CCSER1: variants seen among roughly 807,000 people sequenced by gnomAD.
The protein encoded by CCSER1 is serine-rich coiled-coil domain-containing protein 1.
A neutral mutation model predicts 82.0 loss-of-function variants in CCSER1; 41 were observed. The ratio of observed to expected loss-of-function variants is 0.50; its 90% CI spans 0.39 to 0.65. The LOEUF (loss-of-function observed/expected upper bound fraction) is 0.65, where lower values mean the gene tolerates loss of function less well. CCSER1 is among the 30% of genes least tolerant of loss of function. The pLI is 0.00. For synonymous variants in CCSER1, 414 were observed against 383.9 expected, an observed-to-expected ratio of 1.08 and a Z score of -0.92; for missense variants, 1,119 against 1,064.2, an observed-to-expected ratio of 1.05 and a Z score of -0.72.
intron 7 of CCSER1, among the ~76,000 whole-genome samples, chr4:90,757,022 T>A (rs914088102): frequency 6.6e-6 from 1 of 152,242 alleles, no homozygotes; most frequent in Non-Finnish European, 1.5e-5. Context: ...TGGAAGTAAC[T>A]TTTCTTTGCT....
intron 6 of CCSER1, among the ~76,000 whole-genome samples, chr4:90,684,770 A>G (rs1234244980): frequency 6.6e-6 from 1 of 151,986 alleles, no homozygotes; most frequent in Non-Finnish European, 1.5e-5. Context: ...TATTTCCCAC[A>G]CTGTTCTCGT....
intron 5 of CCSER1, among the ~76,000 whole-genome samples, chr4:90,540,340 G>T (rs1775953045): frequency 6.6e-6 from 1 of 151,872 alleles, no homozygotes; most frequent in Non-Finnish European, 1.5e-5. Flanking sequence ...GATAAATTTT[G>T]TGTGGATACA....
At chr4:90,392,009 A>G (rs1751254528) in intron 3 of CCSER1, among the ~76,000 whole-genome samples, 1 of 152,062 alleles carries the variant, frequency 6.6e-6, no homozygotes, top group African/African-American at 2.4e-5. Flanking sequence ...ATACAAACTC[A>G]TGCAGTTAGG....
chr4:90,784,856 GAA>G (rs1409113568), intron 7 of CCSER1, among the ~76,000 whole-genome samples: 1 of 151,924 alleles, frequency 6.6e-6, no homozygotes, highest in East Asian at 1.9e-4. Context: ...CTAGAGAAAA[GAA>G]AATGTTTTTA....
chr4:90,860,737 G>T (rs748170745), intron 8 of CCSER1, among the ~76,000 whole-genome samples: 11 of 151,584 alleles, frequency 7.3e-5, no homozygotes, highest in Non-Finnish European at 1.3e-4. Context: ...TTGAAAATAC[G>T]CAAAGTCAAA....
chr4:91,179,225 GC>G (rs1244990378), intron 10 of CCSER1, among the ~76,000 whole-genome samples: 3 of 152,160 alleles, frequency 2.0e-5, no homozygotes, highest in Non-Finnish European at 2.9e-5. Context: ...CTGTCTGGCT[GC>G]CCTTAAAATT....
rs567645249 is a variant in CCSER1, at chr4:90,228,149, G to T, written c.-41-80095G>T. On this transcript the variant is annotated intron_variant, in intron 1 of 10. Coordinates refer to ENST00000509176, the MANE Select transcript of CCSER1 (RefSeq NM_001145065.2). ...GCTCAAGGAGGCCTGCCTGCCTCTG[G>T]AGGCTCCACCTCTGGGGGCAGGGCA... Among the ~76,000 whole-genome samples the T allele has an allele frequency of 1.2e-3, 173 of 149,396 alleles. 1 individual carries two copies. The highest frequency in any genetic ancestry group is 2.7e-3 in the African/African-American group (110 of 40,114).
chr4:91,141,555 T>A (rs566505348), intron 10 of CCSER1, among the ~76,000 whole-genome samples: 1 of 152,234 alleles, frequency 6.6e-6, no homozygotes, highest in African/African-American at 2.4e-5. Flanking sequence ...TGATTCCATG[T>A]CTTTGCTATT....
intron 6 of CCSER1, among the ~76,000 whole-genome samples, chr4:90,689,879 G>A (rs1323885646): frequency 6.6e-6 from 1 of 152,090 alleles, no homozygotes; most frequent in East Asian, 1.9e-4. Context: ...TAGCCAGGAT[G>A]GGAGGCAGTG....
At chr4:90,911,198 TAGC>T in intron 8 of CCSER1, 6 of 430,702 alleles carry the variant, frequency 1.4e-5, no homozygotes, top group South Asian at 3.4e-5. Flanking sequence ...TTTTTCAAGT[TAGC>T]AATTTTCTAC....
intron 10 of CCSER1, among the ~76,000 whole-genome samples, chr4:91,123,794 A>G (rs1727284152): frequency 6.6e-6 from 1 of 151,826 alleles, no homozygotes; most frequent in Admixed American, 6.6e-5. Flanking sequence ...AAGAAAAAGA[A>G]TAATTTTTTT....
At chr4:90,853,708 A>G (rs1023090454) in intron 8 of CCSER1, among the ~76,000 whole-genome samples, 5 of 152,132 alleles carry the variant, frequency 3.3e-5, no homozygotes, top group Non-Finnish European at 4.4e-5. Flanking sequence ...GTCTATATAC[A>G]CTTTGGAAAG....
chr4:91,467,916 A>G (rs1757020617), intron 10 of CCSER1, among the ~76,000 whole-genome samples: 1 of 152,178 alleles, frequency 6.6e-6, no homozygotes. Context: ...ACTGTAAACT[A>G]TTTCAACCAT....
rs1350818493 is a variant in CCSER1, at chr4:90,308,616, C to A, written c.332C>A (p.Thr111Asn). 1 of 1,613,696 alleles carries A rather than the reference C, an allele frequency of 6.2e-7. No homozygotes were observed. Among genetic ancestry groups the A allele is most frequent in the Non-Finnish European group, 8.5e-7 (1 of 1,179,802 alleles). ...CTGAGTTTGGAAGAACATATTAAGA[C>A]CAGGGGAAGACATTCTGTTGGTTTT... Reference protein sequence around the residue: ...QKLSLEEHIKTRGRHSVGFSS... With the variant: ...QKLSLEEHIKNRGRHSVGFSS... The change falls in exon 2 of 11, where the codon ACC becomes AAC. Residue 111 changes from threonine to asparagine, a missense_variant. Coordinates refer to ENST00000509176, the MANE Select transcript of CCSER1 (RefSeq NM_001145065.2).
rs186508460 is a variant in CCSER1, at chr4:91,289,298, G to T, written c.2217+203304G>T. On this transcript the variant is annotated intron_variant, in intron 10 of 10. Transcript: ENST00000509176. ...CTATAATGTCCTACATAAAATGTCT[G>T]CTTTCCACAGAATTTCTGGGGCATT... Among the ~76,000 whole-genome samples, 15 of 152,092 alleles carry T rather than the reference G, an allele frequency of 9.9e-5. No homozygotes were observed. In the East Asian group the frequency reaches 2.5e-3, roughly 26 times the overall value.
intron 5 of CCSER1, among the ~76,000 whole-genome samples, chr4:90,621,221 A>T (rs575764972): frequency 3.3e-5 from 5 of 151,840 alleles, no homozygotes; most frequent in Non-Finnish European, 7.4e-5. Flanking sequence ...AATAGCTATA[A>T]TTTTTCTGTG....
chr4:90,481,195 G>T (rs1326029602), intron 5 of CCSER1, among the ~76,000 whole-genome samples: 1 of 152,164 alleles, frequency 6.6e-6, no homozygotes, highest in Non-Finnish European at 1.5e-5. Flanking sequence ...GCATAAGAAT[G>T]CTTGTGATTT....
chr4:90,338,129 C>A (rs1412017789), intron 3 of CCSER1, among the ~76,000 whole-genome samples: 1 of 152,186 alleles, frequency 6.6e-6, no homozygotes, highest in African/African-American at 2.4e-5. Context: ...GTCACATTCA[C>A]TGCTAGTTTT....
intron 10 of CCSER1, among the ~76,000 whole-genome samples, chr4:91,365,076 T>C (rs183600981): frequency 3.3e-5 from 5 of 152,292 alleles, no homozygotes; most frequent in Non-Finnish European, 7.4e-5. Context: ...CAAAGTATAG[T>C]GTTCGAGGCA....
Sources: allele counts gnomAD v4.1 joint callset (sites outside exome capture counted in the v4.1 genomes callset), GRCh38; gene constraint gnomAD v4.1.1; transcripts MANE v1.5; gene names NCBI Gene and HGNC (gene_info 2026-07-23, HGNC 2026-07-21).